Variants in MYH11 observed in about 807,000 individuals in gnomAD.
The protein encoded by MYH11 is myosin-11.
Under a neutral mutation model 246.6 loss-of-function variants are expected in MYH11, and 80 were observed. The observed-to-expected ratio is 0.32, with a 90% CI of 0.27 to 0.39. The LOEUF is 0.39. MYH11 is among the 10% of genes least tolerant of loss of function. MYH11 has a pLI of 1.00. For missense variants in MYH11, 2,158 were observed against 2,546.8 expected (o/e 0.85, Z 3.29); for synonymous variants, 1,071 against 1,015.5 (o/e 1.05, Z -1.04).
rs1487939259 is a variant in MYH11, at chr16:15,838,066, C to T, written c.187G>A (p.Val63Met). 6.2e-7 allele frequency: 1 copy of T among 1,614,152 alleles called. No individual in the cohort carries two copies. The highest frequency in any genetic ancestry group is 8.5e-7 in the Non-Finnish European group (1 of 1,180,038). ...EKGDEVVVEL[V>M]ENGKKVTVGK... Reference sequence around the variant, plus strand: ...ACCGTGACCTTCTTGCCATTCTCCACCAGCTCCACAACCACCTCATCCCCC... The same window carrying T: ...ACCGTGACCTTCTTGCCATTCTCCATCAGCTCCACAACCACCTCATCCCCC... The change falls in exon 2 of 41, where the codon GTG becomes ATG. Residue 63 changes from valine to methionine, a missense_variant. Val to Met is a conservative substitution (Grantham distance 21, BLOSUM62 1). Transcript: ENST00000300036.
At chr16:15,821,702 AG>A (rs1417882721) in intron 3 of MYH11, among the ~76,000 whole-genome samples, 3 of 136,172 alleles carry the variant, frequency 2.2e-5, no homozygotes, top group African/African-American at 8.1e-5. Flanking sequence ...GTGGATCATG[AG>A]GTCAGGAGAT....
intron 40 of MYH11, chr16:15,713,935 G>A (rs773111665): frequency 3.3e-5 from 5 of 152,490 alleles, no homozygotes; most frequent in East Asian, 1.9e-4. Flanking sequence ...TGAAGACCCC[G>A]TTGGGGACAG....
chr16:15,760,998 TC>T (rs2041855313), intron 10 of MYH11, among the ~76,000 whole-genome samples: 1 of 152,230 alleles, frequency 6.6e-6, no homozygotes, highest in African/African-American at 2.4e-5. Flanking sequence ...CTTGCTTTTC[TC>T]AGCTTTAAAA....
At chr16:15,756,781 G>A (rs1289041435) in intron 13 of MYH11, among the ~76,000 whole-genome samples, 4 of 148,010 alleles carry the variant, frequency 2.7e-5, no homozygotes, top group African/African-American at 1.0e-4. Context: ...ACATCATGAA[G>A]AGTTCATAAC....
chr16:15,707,913 G>A lies in MYH11; in HGVS notation c.5787-3790C>T, dbSNP rs142689052. On this transcript the variant is annotated intron_variant, in intron 40 of 40. Transcript: ENST00000300036. ...CTTGAACCCAGGAGGCAAAGGTTGC[G>A]GTGAGCCAAGATTGCGCCATTGCAC... Among the ~76,000 whole-genome samples the A allele has an allele frequency of 7.4e-3, 1,109 of 150,322 alleles. 13 individuals carry two copies. The highest frequency in any genetic ancestry group is 0.026 in the African/African-American group (1,058 of 40,860).
At chr16:15,811,750 G>C (rs898169548) in intron 3 of MYH11, among the ~76,000 whole-genome samples, 2 of 152,192 alleles carry the variant, frequency 1.3e-5, no homozygotes, top group East Asian at 1.9e-4. Context: ...CACTCCACCC[G>C]CAGAGTTGTC....
At chr16:15,763,741 T>TCCGGC in intron 10 of MYH11, 55 bp downstream of exon 10, 12 of 646,850 alleles carry the variant, frequency 1.9e-5, no homozygotes, top group East Asian at 3.2e-5. Context: ...AAATGTCACC[T>TCCGGC]CCCCCACCCC....
chr16:15,834,526 C>CA (rs1242104484), intron 2 of MYH11, among the ~76,000 whole-genome samples: 1,692 of 110,370 alleles, frequency 0.015, 10 homozygotes, highest in African/African-American at 0.018. Flanking sequence ...AATTCCATCT[C>CA]AAAAAAAAAA....
intron 2 of MYH11, among the ~76,000 whole-genome samples, chr16:15,833,717 A>G (rs2043815598): frequency 6.6e-6 from 1 of 152,284 alleles, no homozygotes; most frequent in South Asian, 2.1e-4. Context: ...GAGAAAGTTT[A>G]TCTTCATCAC....
chr16:15,751,117 G>GGTA (rs971617855), intron 15 of MYH11, among the ~76,000 whole-genome samples: 4 of 126,574 alleles, frequency 3.2e-5, no homozygotes, highest in Admixed American at 1.7e-4. Flanking sequence ...ACAAAAAGTA[G>GGTA]GTATTATTAT....
At chr16:15,742,327 A>C in intron 20 of MYH11, 1 of 241,058 alleles carries the variant, frequency 4.1e-6, no homozygotes, top group Non-Finnish European at 8.2e-6. Flanking sequence ...TATCCCACCC[A>C]CCTCCCTATC....
At chr16:15,782,735 T>C (rs1439466304) in intron 5 of MYH11, 8 of 481,944 alleles carry the variant, frequency 1.7e-5, no homozygotes, top group African/African-American at 1.4e-4. Flanking sequence ...TGCTCATCTG[T>C]GCAACATCAC....
At position 15,779,331 on chromosome 16, in the gene MYH11, A is replaced by G. The variant is rs143307593; in HGVS notation, c.727-488T>C. 7.6e-4 allele frequency: 193 copies of G among 253,038 alleles called. 4 individuals carry two copies. In the East Asian group the frequency reaches 0.016, roughly 20 times the overall value. The allele number at this position is 253,038 out of a possible 1,614,324, so 15.7% of individuals were successfully genotyped here. A position where few individuals can be genotyped will look rare whatever the true frequency, so the allele number is the denominator to read the frequency against. ...TTTTTAAATTTTTTTTTGTAGAGAT[A>G]GGATCTCACTGTGTTGTCCAGGTTG... is the stretch of plus-strand genomic sequence containing the variant. On this transcript the variant is annotated intron_variant, in intron 6 of 40. Coordinates refer to ENST00000300036, the MANE Select transcript of MYH11 (RefSeq NM_002474.3).
At chr16:15,782,240 C>CAG in intron 6 of MYH11, 145 bp downstream of exon 6, 1 of 715,810 alleles carries the variant, frequency 1.4e-6, no homozygotes, top group Non-Finnish European at 2.5e-6. Flanking sequence ...GAGTGAGAGG[C>CAG]AGGAGCCCTT....
intron 3 of MYH11, among the ~76,000 whole-genome samples, chr16:15,814,937 A>C (rs1201878096): frequency 1.3e-5 from 2 of 152,228 alleles, no homozygotes. Flanking sequence ...TTCACTGCAC[A>C]TTTTGAAACC....
intron 12 of MYH11, 75 bp from the exon 13 acceptor site, chr16:15,758,075 C>G (rs1294545011): frequency 6.2e-7 from 1 of 1,606,582 alleles, no homozygotes; most frequent in Non-Finnish European, 8.5e-7. Flanking sequence ...CACAGAAGCT[C>G]CACCCGACAG....
Position 15,724,769 on chromosome 16 carries a change from GCTT to G in MYH11, c.3991_3993del (p.Lys1331del). On this transcript the variant is annotated inframe_deletion, in exon 30 of 41. Coordinates refer to ENST00000300036, the MANE Select transcript of MYH11 (RefSeq NM_002474.3). ...TGGCGCAGCTTCGTAGACACGTTGA[GCTT>G]CTGCCGGGTTTCTTCTTGAAGCAGC... 6.2e-7 allele frequency: 1 copy of G among 1,614,088 alleles called. No individual in the cohort carries two copies. Among genetic ancestry groups the G allele is most frequent in the Non-Finnish European group, 8.5e-7 (1 of 1,180,042 alleles).
intron 2 of MYH11, among the ~76,000 whole-genome samples, chr16:15,826,506 T>C (rs527502238): frequency 1.3e-5 from 2 of 152,044 alleles, no homozygotes; most frequent in Middle Eastern, 3.4e-3. Flanking sequence ...GGAGGTTTGC[T>C]TAAGCCTGGG....
chr16:15,768,752 A>G (rs2042035875), intron 9 of MYH11, among the ~76,000 whole-genome samples: 1 of 152,204 alleles, frequency 6.6e-6, no homozygotes, highest in Non-Finnish European at 1.5e-5. Flanking sequence ...CAAGGAAAAC[A>G]GTATTACCAA....
Sources: allele counts gnomAD v4.1 joint callset (sites outside exome capture counted in the v4.1 genomes callset), GRCh38; gene constraint gnomAD v4.1.1; transcripts MANE v1.5; gene names NCBI Gene and HGNC (gene_info 2026-07-23, HGNC 2026-07-21).